Variants in BTBD9 observed in about 807,000 individuals in gnomAD.
BTBD9 encodes the protein BTB domain containing 9, also known as BTB/POZ domain-containing protein 9.
Under a neutral mutation model 64.3 loss-of-function variants are expected in BTBD9, and 49 were observed. The ratio of observed to expected loss-of-function variants is 0.76; its 90% confidence interval spans 0.61 to 0.97. BTBD9 has a LOEUF of 0.97. Ranked by LOEUF, BTBD9 falls within the 50% of genes least tolerant of loss-of-function variation. The pLI is 0.00. For missense variants in BTBD9, 598 were observed against 762.1 expected, an observed-to-expected ratio of 0.78 and a Z score of 2.53; for synonymous variants, 260 against 274.7, an observed-to-expected ratio of 0.95 and a Z score of 0.53.
At chr6:38,263,959 C>T (rs1582132861) in intron 8 of BTBD9, among the ~76,000 whole-genome samples, 2 of 151,904 alleles carry the variant, frequency 1.3e-5, no homozygotes, top group East Asian at 3.8e-4. Flanking sequence ...AGCAATGATA[C>T]CGTGATGGCT....
chr6:38,452,573 A>G (rs565045164), intron 6 of BTBD9, among the ~76,000 whole-genome samples: 204 of 149,508 alleles, frequency 1.4e-3, no homozygotes, highest in Middle Eastern at 0.01. Context: ...ATGAGAATGG[A>G]AAAAAAAAAG....
At position 38,198,535 on chromosome 6, in the gene BTBD9, A is replaced by C. The variant is rs79947012; in HGVS notation, c.1563-5938T>G. 9.0e-3 allele frequency among the ~76,000 whole-genome samples: 1,376 copies of C among 152,296 alleles called. 5 individuals are homozygous for C. The highest frequency in any genetic ancestry group is 0.014 in the Non-Finnish European group (981 of 68,008). ...GAGCCTTGTTTTGCCTTCTCTGAGGATTCAGGATCCTGTGGCAAGGGTGAG... is the reference window on the plus strand; with the variant it reads ...GAGCCTTGTTTTGCCTTCTCTGAGGCTTCAGGATCCTGTGGCAAGGGTGAG... On this transcript the variant is annotated intron_variant, in intron 9 of 10. Coordinates refer to ENST00000481247, the MANE Select transcript of BTBD9 (RefSeq NM_001099272.2).
At chr6:38,569,347 C>T (rs1775657576) in intron 6 of BTBD9, among the ~76,000 whole-genome samples, 1 of 152,036 alleles carries the variant, frequency 6.6e-6, no homozygotes, top group Admixed American at 6.6e-5. Context: ...TGAATAAATC[C>T]CATAAGTAAT....
At chr6:38,268,530 G>A (rs1192805073) in intron 8 of BTBD9, among the ~76,000 whole-genome samples, 1 of 152,182 alleles carries the variant, frequency 6.6e-6, no homozygotes, top group Admixed American at 6.5e-5. Context: ...ATGAACGACC[G>A]GCAAAACTCT....
In BTBD9 at chr6:38,464,306, T is replaced by C. The variant is rs561275359; in HGVS notation, c.1154+113294A>G. 3.1e-3 allele frequency among the ~76,000 whole-genome samples: 475 copies of C among 152,232 alleles called. 2 individuals are homozygous for C. The highest frequency in any genetic ancestry group is 0.011 in the African/African-American group (454 of 41,534). ...TTATGACATATTGTTATGGCAGCCC[T>C]GGCAAACTAATAGTTTTGTTAATTT... On this transcript the variant is annotated intron_variant, in intron 6 of 10. Coordinates refer to ENST00000481247, the MANE Select transcript of BTBD9 (RefSeq NM_001099272.2).
intron 6 of BTBD9, among the ~76,000 whole-genome samples, chr6:38,471,831 AAGAAGATCCAACTT>A (rs1328021880): frequency 6.6e-6 from 1 of 152,246 alleles, no homozygotes; most frequent in Admixed American, 6.5e-5. Flanking sequence ...CATTACCAAA[AAGAAGATCCAACTT>A]ATGTTATTTC....
intron 9 of BTBD9, among the ~76,000 whole-genome samples, chr6:38,253,076 T>C (rs988417661): frequency 6.6e-6 from 1 of 152,130 alleles, no homozygotes; most frequent in African/African-American, 2.4e-5. Flanking sequence ...CTCATGCCAC[T>C]GCACTCCAGC....
intron 6 of BTBD9, among the ~76,000 whole-genome samples, chr6:38,373,777 C>T (rs1765520946): frequency 6.6e-6 from 1 of 152,158 alleles, no homozygotes; most frequent in Non-Finnish European, 1.5e-5. Flanking sequence ...AACCTCCTGC[C>T]TCAGCCTCCC....
At chr6:38,514,974 T>C (rs1484171013) in intron 6 of BTBD9, among the ~76,000 whole-genome samples, 1 of 152,232 alleles carries the variant, frequency 6.6e-6, no homozygotes, top group African/African-American at 2.4e-5. Flanking sequence ...CTAACATTTA[T>C]ATTTTATGAT....
intron 9 of BTBD9, among the ~76,000 whole-genome samples, chr6:38,254,055 G>A (rs947988022): frequency 4.0e-5 from 6 of 149,734 alleles, no homozygotes; most frequent in Non-Finnish European, 4.4e-5. Context: ...TGGAAGGCAT[G>A]TATGCTACCC....
intron 7 of BTBD9, among the ~76,000 whole-genome samples, chr6:38,338,960 C>T (rs1764000458): frequency 6.6e-6 from 1 of 152,206 alleles, no homozygotes; most frequent in South Asian, 2.1e-4. Flanking sequence ...AGTTTGACAA[C>T]ATGCTCTGCT....
chr6:38,380,035 A>C (rs1562103211), intron 6 of BTBD9, among the ~76,000 whole-genome samples: 1 of 152,214 alleles, frequency 6.6e-6, no homozygotes, highest in Non-Finnish European at 1.5e-5. Context: ...TGGAGACTGG[A>C]GTAAATGAAG....
chr6:38,214,624 T>G (rs762099245), intron 9 of BTBD9, among the ~76,000 whole-genome samples: 85 of 152,196 alleles, frequency 5.6e-4, no homozygotes, highest in South Asian at 2.7e-3. Flanking sequence ...GTCGCGTGCT[T>G]TTTGTGAGGA....
At chr6:38,250,533 A>G (rs1764354840) in intron 9 of BTBD9, among the ~76,000 whole-genome samples, 1 of 152,228 alleles carries the variant, frequency 6.6e-6, no homozygotes, top group South Asian at 2.1e-4. Flanking sequence ...CAATGTTTAT[A>G]TGATCATTAT....
intron 6 of BTBD9, among the ~76,000 whole-genome samples, chr6:38,420,989 TAC>T (rs1174433141): frequency 1.3e-5 from 2 of 152,186 alleles, no homozygotes; most frequent in Non-Finnish European, 2.9e-5. Context: ...TAAAAAAAGT[TAC>T]AGTGATAGGA....
chr6:38,450,650 A>G (rs1343277616), intron 6 of BTBD9, among the ~76,000 whole-genome samples: 2 of 152,226 alleles, frequency 1.3e-5, no homozygotes, highest in Non-Finnish European at 2.9e-5. Flanking sequence ...GTACTAACTG[A>G]ATGTCCAGGA....
chr6:38,396,900 T>C (rs1292071380), intron 6 of BTBD9, among the ~76,000 whole-genome samples: 1 of 66,472 alleles, frequency 1.5e-5, no homozygotes, highest in African/African-American at 9.5e-5. Flanking sequence ...TCTTTTTCTT[T>C]TTTTTTTTTT....
At position 38,485,503 on chromosome 6, in the gene BTBD9, A is replaced by G. The variant is rs1388464063; in HGVS notation, c.1154+92097T>C. The stretch of plus-strand genomic sequence containing the variant: ...CAGAATGGATGTTGTGTTAACAGGC[A>G]TGAAAACAACATTCATCTCCTTGTA... On this transcript the variant is annotated intron_variant, in intron 6 of 10. Transcript: ENST00000481247. Among the ~76,000 whole-genome samples, 48 of 152,264 alleles carry G rather than the reference A, an allele frequency of 3.2e-4. 1 individual carries two copies. The highest frequency in any genetic ancestry group is 3.1e-3 in the Admixed American group (48 of 15,288).
chr6:38,505,964 C>CAACAAAAAAAA (rs1175511241), intron 6 of BTBD9, among the ~76,000 whole-genome samples: 2 of 82,628 alleles, frequency 2.4e-5, no homozygotes, highest in African/African-American at 8.2e-5. Flanking sequence ...TCCGTCTCAA[C>CAACAAAAAAAA]AAAAAAAAAA....
Sources: allele counts gnomAD v4.1 joint callset (sites outside exome capture counted in the v4.1 genomes callset), GRCh38; gene constraint gnomAD v4.1.1; transcripts MANE v1.5; gene names NCBI Gene and HGNC (gene_info 2026-07-23, HGNC 2026-07-21).